The following STPG2 variants were observed in gnomAD, a reference collection of about 807,000 sequenced individuals.
STPG2 encodes the protein sperm tail PG-rich repeat containing 2.
A neutral mutation model predicts 54.2 loss-of-function variants in STPG2; 56 were observed. That is an observed-to-expected ratio of 1.03 (90% confidence interval 0.83 to 1.29). The LOEUF is 1.29. Among genes scored for constraint, STPG2 ranks in the 50% most tolerant of loss-of-function variants. The probability of loss-of-function intolerance (pLI) is 0.00; values close to 1 mark genes in which losing one functional copy is unlikely to be tolerated. For synonymous variants in STPG2, 200 were observed against 181.8 expected, an observed-to-expected ratio of 1.10 and a Z score of -0.81; for missense variants, 596 against 544.9, an observed-to-expected ratio of 1.09 and a Z score of -0.93.
At chr4:97,738,446 A>T (rs1049292726) in intron 9 of STPG2, among the ~76,000 whole-genome samples, 11 of 152,148 alleles carry the variant, frequency 7.2e-5, no homozygotes, top group East Asian at 1.9e-4. Context: ...GACCAATCAG[A>T]GTGCTGTATT....
chr4:98,137,192 C>T (rs1232351181), intron 1 of STPG2, among the ~76,000 whole-genome samples: 1 of 151,534 alleles, frequency 6.6e-6, no homozygotes, highest in Non-Finnish European at 1.5e-5. Flanking sequence ...AGCTGGAGTG[C>T]CTATATTAAA....
At chr4:97,864,970 A>G (rs1450817217) in intron 8 of STPG2, among the ~76,000 whole-genome samples, 1 of 152,192 alleles carries the variant, frequency 6.6e-6, no homozygotes, top group Admixed American at 6.6e-5. Context: ...TAAATATTAT[A>G]CCTAAAACCA....
At chr4:98,057,345 C>T (rs1252235636) in intron 5 of STPG2, among the ~76,000 whole-genome samples, 1 of 152,070 alleles carries the variant, frequency 6.6e-6, no homozygotes, top group East Asian at 1.9e-4. Flanking sequence ...ACAAAATAGC[C>T]AGTATAGAGA....
chr4:97,922,529 T>A (rs769835051), intron 8 of STPG2, among the ~76,000 whole-genome samples: 4 of 152,222 alleles, frequency 2.6e-5, no homozygotes, highest in Non-Finnish European at 5.9e-5. Flanking sequence ...AGAAAAAAAG[T>A]TGTTTGTAGT....
At chr4:97,575,000 T>A (rs1732688596) in intron 10 of STPG2, among the ~76,000 whole-genome samples, 1 of 151,962 alleles carries the variant, frequency 6.6e-6, no homozygotes, top group South Asian at 2.1e-4. Flanking sequence ...TAGAGACTAC[T>A]ATGAATGTTT....
At chr4:98,097,809 G>A (rs954573713) in intron 5 of STPG2, among the ~76,000 whole-genome samples, 13 of 151,958 alleles carry the variant, frequency 8.6e-5, no homozygotes, top group Admixed American at 1.3e-4. Context: ...AATCAGTAGC[G>A]TTTCTATATG....
intron 9 of STPG2, among the ~76,000 whole-genome samples, chr4:97,730,389 T>C (rs1724759939): frequency 6.6e-6 from 1 of 152,240 alleles, no homozygotes; most frequent in African/African-American, 2.4e-5. Flanking sequence ...ACATTTTCTT[T>C]ATCCAATACA....
At chr4:98,029,539 T>C (rs1213326303) in intron 5 of STPG2, among the ~76,000 whole-genome samples, 1 of 151,966 alleles carries the variant, frequency 6.6e-6, no homozygotes, top group African/African-American at 2.4e-5. Context: ...CTTTTCATGC[T>C]TTTACTTTTA....
chr4:98,035,327 G>A (rs539646856), intron 5 of STPG2, among the ~76,000 whole-genome samples: 15 of 151,978 alleles, frequency 9.9e-5, no homozygotes, highest in African/African-American at 1.7e-4. Context: ...ACATTTATGC[G>A]GCCAACAAAC....
intron 9 of STPG2, among the ~76,000 whole-genome samples, chr4:97,836,750 A>G (rs1324599490): frequency 1.3e-5 from 2 of 151,456 alleles, no homozygotes; most frequent in Non-Finnish European, 3.0e-5. Flanking sequence ...CATTTATTAA[A>G]TGTCTTATAC....
intron 9 of STPG2, among the ~76,000 whole-genome samples, chr4:97,788,595 G>A (rs1447596191): frequency 6.6e-6 from 1 of 152,048 alleles, no homozygotes; most frequent in Non-Finnish European, 1.5e-5. Flanking sequence ...ATATCCAGCA[G>A]TGGGACTGCT....
At chr4:97,512,764 G>T (rs1730999173) in intron 4 of STPG2, among the ~76,000 whole-genome samples, 2 of 152,062 alleles carry the variant, frequency 1.3e-5, no homozygotes, top group East Asian at 3.9e-4. Context: ...AAATAATCCT[G>T]TGATACAGGA....
In STPG2 at chr4:98,084,568, C is replaced by T. The variant is rs181086756; in HGVS notation, c.612+21385G>A. 2.6e-5 allele frequency among the ~76,000 whole-genome samples: 4 copies of T among 152,140 alleles called. No homozygotes were observed. In the East Asian group the frequency reaches 7.7e-4, roughly 29 times the overall value. ...CAGAGTGAGTTTATTATTTTACATT[C>T]CCATAAGGGATGTATGAAGAGTTCT... On this transcript the variant is annotated intron_variant, in intron 5 of 10. Coordinates refer to ENST00000295268, the MANE Select transcript of STPG2 (RefSeq NM_174952.3).
chr4:97,564,723 G>T (rs377267135), intron 10 of STPG2, among the ~76,000 whole-genome samples: 1 of 152,098 alleles, frequency 6.6e-6, no homozygotes, highest in South Asian at 2.1e-4. Flanking sequence ...GAAATTCTGG[G>T]TTGAAAATTC....
chr4:97,612,975 T>G (rs1366509017), intron 10 of STPG2, among the ~76,000 whole-genome samples: 2 of 152,086 alleles, frequency 1.3e-5, no homozygotes, highest in East Asian at 3.9e-4. Flanking sequence ...AAACATTTAT[T>G]TTTTAATAAC....
At chr4:97,988,433 C>T (rs1734893737) in intron 5 of STPG2, among the ~76,000 whole-genome samples, 1 of 152,154 alleles carries the variant, frequency 6.6e-6, no homozygotes, top group South Asian at 2.1e-4. Flanking sequence ...ACTGCTATAT[C>T]TCTAGAGTAT....
intron 5 of STPG2, among the ~76,000 whole-genome samples, chr4:98,061,203 T>C (rs932881683): frequency 6.6e-6 from 1 of 151,832 alleles, no homozygotes; most frequent in Non-Finnish European, 1.5e-5. Context: ...TCTATAAGGA[T>C]GCTGTATTAG....
chr4:97,880,149 T>A (rs747491502), intron 8 of STPG2, among the ~76,000 whole-genome samples: 20 of 152,164 alleles, frequency 1.3e-4, no homozygotes, highest in Non-Finnish European at 2.6e-4. Flanking sequence ...TCATTCATTA[T>A]AACACAGATG....
chr4:98,121,205 T>C lies in STPG2; in HGVS notation c.387+7223A>G, dbSNP rs912995323. Reference sequence around the variant, plus strand: ...TGTCAGGTTTGTTGAAGATCAGATATGCAATGTTATTTCTGAGTTCTATAT... The same window carrying C: ...TGTCAGGTTTGTTGAAGATCAGATACGCAATGTTATTTCTGAGTTCTATAT... On this transcript the variant is annotated intron_variant, in intron 3 of 10. Transcript: ENST00000295268. Among the ~76,000 whole-genome samples, 6 of 151,454 alleles carry C rather than the reference T, an allele frequency of 4.0e-5. No individual in the cohort carries two copies. In the East Asian group the frequency reaches 9.7e-4, roughly 24 times the overall value.
Sources: gnomAD v4.1 joint callset for allele counts (sites outside exome capture counted in the v4.1 genomes callset) on GRCh38, gnomAD v4.1.1 for gene constraint, MANE v1.5 for transcripts, NCBI Gene and HGNC (gene_info 2026-07-23, HGNC 2026-07-21) for gene names.